The following PIGU variants were observed in gnomAD, a reference collection of about 807,000 sequenced individuals.
PIGU encodes phosphatidylinositol glycan anchor biosynthesis class U.
PIGU carries 24 observed loss-of-function variants against 49.9 expected under a neutral mutation model. That is an observed-to-expected ratio of 0.48 (90% CI 0.35 to 0.68). The LOEUF is 0.68. Ranked by LOEUF, PIGU falls within the 30% of genes least tolerant of loss-of-function variation. The pLI, the probability that PIGU is intolerant of heterozygous loss-of-function variation, is 0.01. For synonymous variants in PIGU, 220 were observed against 205.7 expected (o/e 1.07, Z -0.59); for missense variants, 490 against 532.6 (o/e 0.92, Z 0.79).
chr20:34,597,488 GA>G (rs1951604394), intron 7 of PIGU, among the ~76,000 whole-genome samples: 1 of 152,174 alleles, frequency 6.6e-6, no homozygotes, highest in African/African-American at 2.4e-5. Flanking sequence ...AATTGATGGG[GA>G]AAGGACCCGA....
At chr20:34,611,648 G>GAAAAAAAAAAAAAAAAAGAC (rs1984817420) in intron 7 of PIGU, among the ~76,000 whole-genome samples, 1 of 65,010 alleles carries the variant, frequency 1.5e-5, no homozygotes, top group African/African-American at 5.6e-5. Flanking sequence ...TCAAGTCTCA[G>GAAAAAAAAAAAAAAAAAGAC]AAAAAAAAAA....
intron 7 of PIGU, among the ~76,000 whole-genome samples, chr20:34,612,532 T>G (rs897677087): frequency 7.3e-5 from 11 of 150,774 alleles, no homozygotes; most frequent in Admixed American, 6.6e-4. Context: ...AAGTAAAATT[T>G]AAAAAAAAAT....
At position 34,560,786 on chromosome 20, in the gene PIGU, G is replaced by C; in HGVS notation, c.*80C>G. The C allele has an allele frequency of 9.2e-7, 1 of 1,091,564 alleles. No individual in the cohort carries two copies. The allele number at this position is 1,091,564 out of a possible 1,614,324, so 67.6% of individuals were successfully genotyped here. ...TCTTCTGCCCAAGCACTCGCCTGCT[G>C]GCAACTCTGGCTGGAGGGCTTGGCC... On this transcript the variant is annotated 3_prime_UTR_variant, in exon 12 of 12. Coordinates refer to ENST00000217446, the MANE Select transcript of PIGU (RefSeq NM_080476.5).
intron 7 of PIGU, among the ~76,000 whole-genome samples, chr20:34,589,622 A>G (rs1983863645): frequency 7.7e-6 from 1 of 130,678 alleles, no homozygotes; most frequent in South Asian, 2.7e-4. Context: ...AAGTGCTGGG[A>G]TTATAGGCGT....
chr20:34,576,114 C>T (rs1376718180), intron 10 of PIGU, among the ~76,000 whole-genome samples: 5 of 152,098 alleles, frequency 3.3e-5, no homozygotes, highest in Non-Finnish European at 7.4e-5. Context: ...GTGGATCATG[C>T]CTGTAATCCC....
chr20:34,622,385 C>T (rs369221639), intron 6 of PIGU, among the ~76,000 whole-genome samples: 34 of 151,826 alleles, frequency 2.2e-4, no homozygotes, highest in Middle Eastern at 3.4e-3. Flanking sequence ...GATGTGGTGG[C>T]GGGCGCATGT....
chr20:34,594,039 T>C (rs1350138313), intron 7 of PIGU, among the ~76,000 whole-genome samples: 1 of 152,106 alleles, frequency 6.6e-6, no homozygotes, highest in Non-Finnish European at 1.5e-5. Flanking sequence ...TAGCCCTATG[T>C]GGTGGTGCAC....
intron 7 of PIGU, among the ~76,000 whole-genome samples, chr20:34,612,183 AAG>A (rs549604216): frequency 5.4e-4 from 82 of 152,318 alleles, no homozygotes; most frequent in Non-Finnish European, 1.0e-3. Context: ...AGCCATAAAA[AAG>A]GAGTTCACGT....
rs1320893856 is a variant in PIGU, at chr20:34,657,215, C to T, written c.160G>A (p.Gly54Arg). 6.2e-7 allele frequency: 1 copy of T among 1,612,812 alleles called. No individual in the cohort carries two copies. Among genetic ancestry groups the T allele is most frequent in the Non-Finnish European group, 8.5e-7 (1 of 1,179,024 alleles). The change falls in exon 2 of 12, where the codon GGA becomes AGA. Residue 54 changes from glycine to arginine, a missense_variant. Physicochemically the swap from Gly to Arg is moderately radical, Grantham distance 125. Transcript: ENST00000217446. ...VVEGLSLLDLGVSPYSGAVFH... is the reference protein window; with the variant it reads ...VVEGLSLLDLRVSPYSGAVFH... ...ACTGCTCCAGAATACGGAGATACTC[C>T]CAAGTCCAACAGTGAAAGGCCTTCA... is the stretch of plus-strand genomic sequence containing the variant.
At chr20:34,583,517 A>G (rs1040936339) in intron 9 of PIGU, among the ~76,000 whole-genome samples, 1 of 152,162 alleles carries the variant, frequency 6.6e-6, no homozygotes, top group Admixed American at 6.5e-5. Context: ...TGTCCCCACA[A>G]CTGTGTGGGC....
chr20:34,562,556 A>C, intron 11 of PIGU: 1 of 1,289,408 alleles, frequency 7.8e-7, no homozygotes. Flanking sequence ...CTATCACCAC[A>C]GAAGCCCATC....
chr20:34,643,125 T>C (rs1986222447), intron 4 of PIGU, among the ~76,000 whole-genome samples: 1 of 152,116 alleles, frequency 6.6e-6, no homozygotes, highest in African/African-American at 2.4e-5. Flanking sequence ...GTTTAAGATA[T>C]ATACTCCCTG....
chr20:34,644,938 C>A (rs1028202119), intron 3 of PIGU, among the ~76,000 whole-genome samples: 3 of 152,150 alleles, frequency 2.0e-5, no homozygotes. Context: ...AGAAACTATT[C>A]CTCACACTTC....
chr20:34,628,441 A>G (rs1302586695), intron 6 of PIGU, among the ~76,000 whole-genome samples: 1 of 152,244 alleles, frequency 6.6e-6, no homozygotes, highest in Non-Finnish European at 1.5e-5. Flanking sequence ...TGTACATTAG[A>G]AAGTTAATTG....
At chr20:34,634,555 T>C in intron 6 of PIGU, 60 bp downstream of exon 6, 1 of 1,517,556 alleles carries the variant, frequency 6.6e-7, no homozygotes, top group Non-Finnish European at 8.8e-7. Flanking sequence ...ACAGCACAAG[T>C]GTTGCAAAAT....
At chr20:34,590,857 C>T (rs1212903631) in intron 7 of PIGU, among the ~76,000 whole-genome samples, 5 of 151,630 alleles carry the variant, frequency 3.3e-5, no homozygotes, top group Admixed American at 2.6e-4. Context: ...CCCGTCTCTA[C>T]TAAAAATACA....
chr20:34,581,832 G>A (rs1241351869), intron 9 of PIGU, among the ~76,000 whole-genome samples, 160 bp from the exon 10 acceptor site: 2 of 152,346 alleles, frequency 1.3e-5, no homozygotes, highest in East Asian at 3.9e-4. Context: ...CCCAGTAGCA[G>A]AGCAGAAAAC....
intron 7 of PIGU, among the ~76,000 whole-genome samples, chr20:34,600,611 GA>G (rs1025949914): frequency 1.8e-4 from 27 of 146,440 alleles, no homozygotes; most frequent in African/African-American, 3.2e-4. Context: ...GCCCAGGAGA[GA>G]AAAAAAAAAT....
chr20:34,605,307 A>C (rs1984573077), intron 7 of PIGU, among the ~76,000 whole-genome samples: 1 of 152,132 alleles, frequency 6.6e-6, no homozygotes, highest in African/African-American at 2.4e-5. Context: ...GTGTCTCATG[A>C]AGGAAAGGAA....
Sources: allele counts gnomAD v4.1 joint callset (sites outside exome capture counted in the v4.1 genomes callset), GRCh38; gene constraint gnomAD v4.1.1; transcripts MANE v1.5; gene names NCBI Gene and HGNC (gene_info 2026-07-23, HGNC 2026-07-21).